The following HCFC1 variants were observed in gnomAD, a reference collection of about 807,000 sequenced individuals.
HCFC1 encodes host cell factor C1, also known as host cell factor 1.
HCFC1 carries 7 observed loss-of-function variants against 105.5 expected under a neutral mutation model. The observed-to-expected ratio is 0.07, with a 90% confidence interval of 0.04 to 0.12. HCFC1 has a LOEUF of 0.12. Among genes scored for constraint, HCFC1 ranks in the 10% least tolerant of loss-of-function variants. The pLI is 1.00. For synonymous variants in HCFC1, 918 were observed against 828.1 expected, an observed-to-expected ratio of 1.11 and a Z score of -1.86; for missense variants, 1,065 against 1,823.6, an observed-to-expected ratio of 0.58 and a Z score of 7.58.
Position 153,951,490 on chromosome X carries a change from G to A in HCFC1, c.5380-3C>T, listed in dbSNP as rs374575345. 1.6e-5 allele frequency: 19 copies of A among 1,209,548 alleles called. No individual in the cohort carries two copies. The highest frequency in any genetic ancestry group is 2.0e-5 in the Non-Finnish European group (18 of 895,023). On this transcript the variant is annotated splice_region_variant and splice_polypyrimidine_tract_variant and intron_variant, in intron 21 of 25. Transcript: ENST00000310441. The stretch of plus-strand genomic sequence containing the variant: ...GGTGGGGGCGGCAGGTCTGGCTTCT[G>A]CAAGACAGAATCGGTGCGACGAGAT...
At chrX:153,966,164 C>T (rs1329964294) in intron 1 of HCFC1, among the ~76,000 whole-genome samples, 1 of 111,975 alleles carries the variant, frequency 8.9e-6, no homozygotes, top group African/African-American at 3.3e-5. Context: ...GAGCTGAGAC[C>T]GCACCACTGC....
At chrX:153,967,682 G>A (rs1261197488) in intron 1 of HCFC1, among the ~76,000 whole-genome samples, 2 of 111,962 alleles carry the variant, frequency 1.8e-5, no homozygotes, top group Non-Finnish European at 3.8e-5. Context: ...AGAGCAGTGC[G>A]ACTGCTGGAG....
chrX:153,951,170 G>A (rs1254956453), intron 22 of HCFC1, among the ~76,000 whole-genome samples, 172 bp from the exon 23 acceptor site: 5 of 111,986 alleles, frequency 4.5e-5, no homozygotes, highest in Admixed American at 9.4e-5. Flanking sequence ...CGGTACTGGC[G>A]GGAAGGAACC....
In HCFC1 at chrX:153,956,883, G is replaced by A. The variant is rs782525536; in HGVS notation, c.2496+35C>T. On this transcript the variant is annotated intron_variant, in intron 14 of 25. Transcript: ENST00000310441. ...GGCGTGCTGGGGTGGACTGCACTAG[G>A]ACACTGGGCTGAGAGACGGCTGGGA... The A allele has an allele frequency of 6.6e-6, 8 of 1,207,816 alleles. No individual in the cohort carries two copies. The South Asian group carries it at 1.2e-4, about 19-fold the overall frequency.
rs782562347 is a variant in HCFC1 at position 153,949,309 on chromosome X, G to A, written c.*38C>T. The A allele has an allele frequency of 1.7e-6, 2 of 1,162,619 alleles. No homozygotes were observed. The highest frequency in any genetic ancestry group is 3.0e-5 in the East Asian group (1 of 33,605). ...CCTGGCGGGTGTTCCTGAAGCAGGG[G>A]GGTCTGGAGAAGAATCCAGGGGCTA... is the stretch of plus-strand genomic sequence containing the variant. On this transcript the variant is annotated 3_prime_UTR_variant, in exon 26 of 26. Coordinates refer to ENST00000310441, the MANE Select transcript of HCFC1 (RefSeq NM_005334.3).
At chrX:153,966,608 G>A (rs2065476014) in intron 1 of HCFC1, among the ~76,000 whole-genome samples, 1 of 112,290 alleles carries the variant, frequency 8.9e-6, no homozygotes. Context: ...CAGGGTAAAC[G>A]CATAACGAGA....
Position 153,964,626 on chromosome X carries a change from A to G in HCFC1, c.294T>C (p.Gly98=). The change falls in exon 2 of 26, where the codon GGT becomes GGC. Residue 98 remains glycine, a synonymous_variant. Coordinates refer to ENST00000310441, the MANE Select transcript of HCFC1 (RefSeq NM_005334.3). ...VCDGTRLLVF[G]GMVEYGKYSN... is the part of the protein sequence containing the mutation. ...TGTATTTCCCATACTCCACCATCCC[A>G]CCAAACACCAGGAGGCGAGTCCCGT... 1 of 1,205,408 alleles carries G rather than the reference A, an allele frequency of 8.3e-7. No homozygotes were observed. Among genetic ancestry groups the G allele is most frequent in the South Asian group, 1.8e-5 (1 of 55,378 alleles).
chrX:153,949,791 A>G (rs1569546584), intron 24 of HCFC1, among the ~76,000 whole-genome samples, 175 bp from the exon 25 acceptor site: 1 of 111,793 alleles, frequency 8.9e-6, no homozygotes, highest in Non-Finnish European at 1.9e-5. Flanking sequence ...TTGGGACCAG[A>G]ACACGACACC....
Position 153,954,184 on chromosome X carries a change from G to A in HCFC1, c.4215C>T (p.Thr1405=), listed in dbSNP as rs781954028. ...AAPSVTPQAG[T]ALLAPFPTQR... ...GTGTTGGGAAAGGAGCCAGCAGCGC[G>A]GTGCCAGCCTGGGGGGTGACGCTGG... The change falls in exon 17 of 26, where the codon ACC becomes ACT. Residue 1405 remains threonine (T), a synonymous_variant. Transcript: ENST00000310441. The A allele has an allele frequency of 1.4e-5, 17 of 1,206,087 alleles. No homozygotes were observed. In the Middle Eastern group the frequency reaches 1.2e-3, roughly 83 times the overall value.
intron 1 of HCFC1, among the ~76,000 whole-genome samples, chrX:153,968,353 C>T (rs1364753133): frequency 8.9e-6 from 1 of 112,315 alleles, no homozygotes; most frequent in Non-Finnish European, 1.9e-5. Flanking sequence ...GGACTGATCC[C>T]GCAGAACTGC....
chrX:153,951,075 T>C (rs894360328), intron 22 of HCFC1, 77 bp from the exon 23 acceptor site: 9 of 960,234 alleles, frequency 9.4e-6, no homozygotes, highest in Non-Finnish European at 1.3e-5. Flanking sequence ...TGCAGGTCCA[T>C]GGTAACTATG....
intron 1 of HCFC1, among the ~76,000 whole-genome samples, chrX:153,969,599 T>C (rs1569547060): frequency 1.8e-5 from 2 of 112,463 alleles, no homozygotes; most frequent in Non-Finnish European, 3.8e-5. Context: ...ACGGGCCAAG[T>C]AGCCACCAAG....
chrX:153,954,603 G>A lies in HCFC1; in HGVS notation c.3796C>T (p.Pro1266Ser). The A allele has an allele frequency of 8.3e-7, 1 of 1,209,412 alleles. No individual in the cohort carries two copies. The highest frequency in any genetic ancestry group is 3.0e-5 in the East Asian group (1 of 33,780). ...GCTGTCACAGTCACTGTGGTGCTGG[G>A]CGAGCCACCCTGGAGGCTCTCGCAC... ...PVCESLQGGS[P>S]STTVTVTALE... Residue 1266 changes from proline to serine, a missense_variant, in exon 17 of 26, where the codon CCC becomes TCC. This residue lies in a region of HCFC1 where 546 missense variants were observed against 599.9 expected (regional missense o/e 0.91). Transcript: ENST00000310441.
In HCFC1 at chrX:153,959,438, A is replaced by G. The variant is rs1557116088; in HGVS notation, c.1498T>C (p.Leu500=). The G allele has an allele frequency of 1.2e-5, 14 of 1,211,358 alleles. No individual in the cohort carries two copies. The South Asian group carries it at 1.6e-4, about 14-fold the overall frequency. ...TGGCTGGCAGGTCGCATGGTGACCA[A>G]TGGAGTTCCTGTTGTAGCCTGAGGA... ...TGPQATTGTP[L]VTMRPASQAG... Residue 500 remains leucine (L), a synonymous_variant, in exon 9 of 26, where the codon TTG becomes CTG. Transcript: ENST00000310441.
chrX:153,966,038 T>C (rs1422973413), intron 1 of HCFC1, among the ~76,000 whole-genome samples: 1 of 110,148 alleles, frequency 9.1e-6, no homozygotes, highest in Non-Finnish European at 1.9e-5. Flanking sequence ...GGAGACCCCG[T>C]CTCTACAAAT....
At chrX:153,949,526 G>A in intron 25 of HCFC1, 27 bp downstream of exon 25, 3 of 1,201,145 alleles carry the variant, frequency 2.5e-6, no homozygotes, top group Non-Finnish European at 3.4e-6. Context: ...AGTCTCAGAA[G>A]GTTCCCGAGA....
Position 153,952,845 on chromosome X carries a change from G to A in HCFC1, c.4611C>T (p.Ala1537=). 3.4e-6 allele frequency: 4 copies of A among 1,191,313 alleles called. No homozygotes were observed. Among genetic ancestry groups the A allele is most frequent in the South Asian group, 3.6e-5 (2 of 55,042 alleles). ...LMGESAEVLS[A]SQTPELPAAV... ...CGGCCGGGAGCTCAGGGGTCTGGGA[G>A]GCTGACAGGACCTCGGCGGACTCCC... The change falls in exon 19 of 26, where the codon GCC becomes GCT. Residue 1537 remains alanine (A), a synonymous_variant. Transcript: ENST00000310441.
intron 13 of HCFC1, 112 bp from the exon 14 acceptor site, chrX:153,957,172 C>T: frequency 1.0e-6 from 1 of 1,004,682 alleles, no homozygotes; most frequent in Non-Finnish European, 1.4e-6. Context: ...CCCATCTCCT[C>T]ACTACCCTTA....
In HCFC1 at chrX:153,950,378, G is replaced by A. The variant is rs1178626140; in HGVS notation, c.5869C>T (p.Pro1957Ser). The A allele has an allele frequency of 3.3e-6, 4 of 1,209,707 alleles. No homozygotes were observed. Among genetic ancestry groups the A allele is most frequent in the African/African-American group, 3.5e-5 (2 of 57,497 alleles). ...CTGGAGGACTGCACCAGGCAGGAGG[G>A]GCTGGGCCCGCAGTACACCCGCATG... ...AFMRVYCGPS[P>S]SCLVQSSSLS... The change falls in exon 24 of 26, where the codon CCC (proline) becomes TCC (serine). Residue 1957 changes from proline to serine, a missense_variant. Transcript: ENST00000310441.
Sources: allele counts gnomAD v4.1 joint callset (sites outside exome capture counted in the v4.1 genomes callset), GRCh38; gene constraint gnomAD v4.1.1; regional missense constraint gnomAD v4.1.1; transcripts MANE v1.5; gene names NCBI Gene and HGNC (gene_info 2026-07-23, HGNC 2026-07-21).